Variants in SEMA6D observed in about 807,000 individuals in gnomAD.
SEMA6D encodes semaphorin 6D, also known as semaphorin-6D.
SEMA6D carries 35 observed loss-of-function variants against 106.6 expected under a neutral mutation model. That is an observed-to-expected ratio of 0.33 (90% CI 0.25 to 0.44). The LOEUF is 0.44. Ranked by LOEUF, SEMA6D falls within the 20% of genes least tolerant of loss-of-function variation. The pLI is 1.00. For synonymous variants in SEMA6D, 499 were observed against 487.7 expected, an observed-to-expected ratio of 1.02 and a Z score of -0.31; for missense variants, 1,185 against 1,345.9, an observed-to-expected ratio of 0.88 and a Z score of 1.87.
chr15:47,400,281 G>A (rs1431891666), intron 1 of SEMA6D, among the ~76,000 whole-genome samples: 1 of 152,088 alleles, frequency 6.6e-6, no homozygotes, highest in Admixed American at 6.5e-5. Context: ...CCTGAGGCCA[G>A]GAGTTCAAGA....
At chr15:47,524,363 C>T (rs2044684859) in intron 3 of SEMA6D, among the ~76,000 whole-genome samples, 1 of 152,134 alleles carries the variant, frequency 6.6e-6, no homozygotes, top group African/African-American at 2.4e-5. Flanking sequence ...CCTGTGTTTC[C>T]ACTTGCCTGC....
At chr15:47,513,871 TA>T (rs1166763585) in intron 3 of SEMA6D, among the ~76,000 whole-genome samples, 2 of 152,234 alleles carry the variant, frequency 1.3e-5, no homozygotes, top group Non-Finnish European at 2.9e-5. Context: ...AATGCATTAA[TA>T]AATGTTTGTT....
At chr15:47,746,213 T>C (rs2081123736) in intron 1 of SEMA6D, among the ~76,000 whole-genome samples, 2 of 152,242 alleles carry the variant, frequency 1.3e-5, no homozygotes, top group Admixed American at 1.3e-4. Context: ...TGTAAACTCA[T>C]CACCAACTGT....
intron 2 of SEMA6D, among the ~76,000 whole-genome samples, chr15:47,469,533 C>G (rs1269925523): frequency 6.6e-6 from 1 of 152,134 alleles, no homozygotes; most frequent in Non-Finnish European, 1.5e-5. Context: ...CAATAATAGG[C>G]AAGCCCTGTT....
At chr15:47,367,718 ACACAC>A (rs374746717) in intron 1 of SEMA6D, among the ~76,000 whole-genome samples, 7 of 127,720 alleles carry the variant, frequency 5.5e-5, no homozygotes, top group Admixed American at 7.0e-5. Context: ...ACACACACAC[ACACAC>A]ACACAGAGAG....
At chr15:47,499,095 C>T (rs1229982953) in intron 3 of SEMA6D, among the ~76,000 whole-genome samples, 1 of 152,096 alleles carries the variant, frequency 6.6e-6, no homozygotes, top group Non-Finnish European at 1.5e-5. Context: ...TTTAATTTAG[C>T]CCTTAAATGA....
chr15:47,454,599 G>GCACATGCACACA (rs1555442708), intron 2 of SEMA6D, among the ~76,000 whole-genome samples: 1 of 148,874 alleles, frequency 6.7e-6, no homozygotes, highest in African/African-American at 2.5e-5. Flanking sequence ...TTGCACATGT[G>GCACATGCACACA]CACACACACA....
intron 1 of SEMA6D, among the ~76,000 whole-genome samples, chr15:47,226,707 G>A (rs2031692362): frequency 6.6e-6 from 1 of 152,030 alleles, no homozygotes; most frequent in Admixed American, 6.6e-5. Context: ...AGTAAATAGT[G>A]TCAGAAACAA....
At chr15:47,445,305 C>T (rs1049858502) in intron 2 of SEMA6D, among the ~76,000 whole-genome samples, 7 of 152,064 alleles carry the variant, frequency 4.6e-5, no homozygotes, top group Non-Finnish European at 7.4e-5. Context: ...GGACCTCTGC[C>T]GGGGAACCAC....
intron 1 of SEMA6D, among the ~76,000 whole-genome samples, chr15:47,248,672 C>A (rs1282772218): frequency 6.6e-6 from 1 of 152,140 alleles, no homozygotes; most frequent in Admixed American, 6.6e-5. Context: ...CTCTCAGATA[C>A]TTAGAGTTTT....
At chr15:47,467,687 C>T (rs978578261) in intron 2 of SEMA6D, among the ~76,000 whole-genome samples, 2 of 152,088 alleles carry the variant, frequency 1.3e-5, no homozygotes, top group Admixed American at 6.5e-5. Flanking sequence ...TGGCATTTTG[C>T]TAGGGATTAA....
intron 1 of SEMA6D, among the ~76,000 whole-genome samples, chr15:47,390,301 T>G (rs2039982634): frequency 6.6e-6 from 1 of 152,134 alleles, no homozygotes; most frequent in African/African-American, 2.4e-5. Context: ...TGTGAGCACA[T>G]TTTAAACCTC....
chr15:47,766,709 C>A (rs2082360924), intron 16 of SEMA6D, 32 bp downstream of exon 16: 1 of 1,453,078 alleles, frequency 6.9e-7, no homozygotes, highest in Non-Finnish European at 9.7e-7. Context: ...CCACCTGGAG[C>A]TTCTTTTTGA....
intron 1 of SEMA6D, among the ~76,000 whole-genome samples, chr15:47,249,203 G>C (rs1318128508): frequency 6.6e-6 from 1 of 152,150 alleles, no homozygotes; most frequent in Admixed American, 6.5e-5. Flanking sequence ...ACTCCAGCCT[G>C]GGCGAGGGAG....
At chr15:47,241,738 A>G (rs1002465769) in intron 1 of SEMA6D, among the ~76,000 whole-genome samples, 2 of 152,068 alleles carry the variant, frequency 1.3e-5, no homozygotes, top group Non-Finnish European at 2.9e-5. Flanking sequence ...CTGTGAAACA[A>G]AACACTGCTT....
chr15:47,438,202 C>A (rs1278536983), intron 2 of SEMA6D, among the ~76,000 whole-genome samples: 2 of 152,162 alleles, frequency 1.3e-5, no homozygotes, highest in Non-Finnish European at 2.9e-5. Flanking sequence ...ATCCTATTGA[C>A]TCCATATTCA....
intron 1 of SEMA6D, among the ~76,000 whole-genome samples, chr15:47,237,860 C>T (rs2032653707): frequency 6.6e-6 from 1 of 152,120 alleles, no homozygotes; most frequent in African/African-American, 2.4e-5. Flanking sequence ...CCCATTGTCA[C>T]TGAACTCCAT....
intron 1 of SEMA6D, among the ~76,000 whole-genome samples, chr15:47,352,369 C>T (rs368071958): frequency 1.3e-5 from 2 of 152,160 alleles, no homozygotes; most frequent in African/African-American, 4.8e-5. Flanking sequence ...AGACGAATAA[C>T]CTTTTTTATC....
chr15:47,772,016 T>C lies in SEMA6D; in HGVS notation c.*231T>C, dbSNP rs1380931402. ...GAAGGTGCTGGTCATTCCATTTCTT[T>C]TGTTTGAAGCTAAAGAGATGTGTAG... On this transcript the variant is annotated 3_prime_UTR_variant, in exon 19 of 19. Transcript: ENST00000536845. 5 of 528,722 alleles carry C rather than the reference T, an allele frequency of 9.5e-6. No individual in the cohort carries two copies. Among genetic ancestry groups the C allele is most frequent in the Non-Finnish European group, 1.7e-5 (5 of 298,390 alleles). The allele number at this position is 528,722 out of a possible 1,614,324, so 32.8% of individuals were successfully genotyped here.
Sources: gnomAD v4.1 joint callset for allele counts (sites outside exome capture counted in the v4.1 genomes callset) on GRCh38, gnomAD v4.1.1 for gene constraint, MANE v1.5 for transcripts, NCBI Gene and HGNC (gene_info 2026-07-23, HGNC 2026-07-21) for gene names.